FBXO41: variants seen among roughly 807,000 people sequenced by gnomAD.
FBXO41 encodes F-box only protein 41.
A neutral mutation model predicts 81.6 loss-of-function variants in FBXO41; 33 were observed. That is an observed-to-expected ratio of 0.40 (90% CI 0.31 to 0.54). The LOEUF is 0.54. FBXO41 is among the 20% of genes least tolerant of loss of function. The probability of loss-of-function intolerance (pLI) is 0.39; values close to 1 mark genes in which losing one functional copy is unlikely to be tolerated. For synonymous variants in FBXO41, 576 were observed against 552.7 expected, an observed-to-expected ratio of 1.04 and a Z score of -0.59; for missense variants, 1,107 against 1,236.0, an observed-to-expected ratio of 0.90 and a Z score of 1.56.
chr2:73,280,830 C>T (rs956233801), intron 1 of FBXO41, among the ~76,000 whole-genome samples: 1 of 152,226 alleles, frequency 6.6e-6, no homozygotes, highest in African/African-American at 2.4e-5. Context: ...GACAATACAA[C>T]TGATTCATCC....
chr2:73,264,547 A>G, intron 5 of FBXO41, 28 bp from the exon 6 acceptor site: 1 of 1,611,532 alleles, frequency 6.2e-7, no homozygotes, highest in South Asian at 1.1e-5. Flanking sequence ...TTCAAAAGTG[A>G]GCGTGGAGGG....
At chr2:73,275,389 G>C (rs1279095418) in intron 1 of FBXO41, among the ~76,000 whole-genome samples, 1 of 151,850 alleles carries the variant, frequency 6.6e-6, no homozygotes, top group Non-Finnish European at 1.5e-5. Context: ...CACCATGTTG[G>C]CCAGGCTGGT....
chr2:73,268,670 T>C, intron 2 of FBXO41, 56 bp downstream of exon 2: 1 of 1,440,656 alleles, frequency 6.9e-7, no homozygotes, highest in African/African-American at 1.4e-5. Flanking sequence ...GTGGTGGTGG[T>C]GGCACAGTGA....
In FBXO41 at chr2:73,266,391, T is replaced by A; in HGVS notation, c.1131+66A>T. ...GCATCATGGGGGAGATGTCCAGCCA[T>A]GTGAAAGGTGAGGTTGTGGGGGGCC... On this transcript the variant is annotated intron_variant, in intron 3 of 12. Coordinates refer to ENST00000520530, the MANE Select transcript of FBXO41 (RefSeq NM_001371389.2). The surrounding 1 kb of genome is among the most constrained non-coding windows in gnomAD (Gnocchi z 5.3). 1 of 1,419,576 alleles carries A rather than the reference T, an allele frequency of 7.0e-7. No individual in the cohort carries two copies. Among genetic ancestry groups the A allele is most frequent in the Non-Finnish European group, 9.3e-7 (1 of 1,074,218 alleles). 87.9% of individuals were successfully genotyped at this position (1,419,576 alleles called of 1,614,324 possible).
In FBXO41 at chr2:73,269,092, C is replaced by A; in HGVS notation, c.539G>T (p.Cys180Phe). The A allele has an allele frequency of 6.6e-7, 1 of 1,506,952 alleles. No homozygotes were observed. Among genetic ancestry groups the A allele is most frequent in the Non-Finnish European group, 8.8e-7 (1 of 1,135,476 alleles). The allele number at this position is 1,506,952 out of a possible 1,614,324, so 93.3% of individuals were successfully genotyped here. A position where few individuals can be genotyped will look rare whatever the true frequency, so the allele number is the denominator to read the frequency against. The change falls in exon 2 of 13, where the codon TGC becomes TTC. Residue 180 changes from cysteine (C) to phenylalanine (F), a missense_variant. This residue lies in a region of FBXO41 where 771 missense variants were observed against 789.2 expected (regional missense o/e 0.98). Coordinates refer to ENST00000520530, the MANE Select transcript of FBXO41 (RefSeq NM_001371389.2). This position sits in a 1 kb window ranked among gnomAD's most constrained non-coding sequence, Gnocchi z 7.0. ...TPPPGPGPGPCPGPASASPAS... is the reference protein window; with the variant it reads ...TPPPGPGPGPFPGPASASPAS... ...GGGCGAAGCGGAGGCAGGCCCGGGG[C>A]AAGGGCCGGGGCCGGGGCCAGGCGG...
Position 73,260,564 on chromosome 2 carries a change from G to A in FBXO41, c.2291-17C>T, listed in dbSNP as rs375233061. 3.6e-5 allele frequency: 57 copies of A among 1,574,778 alleles called. No individual in the cohort carries two copies. The Middle Eastern group carries it at 7.1e-4, about 20-fold the overall frequency. On this transcript the variant is annotated splice_polypyrimidine_tract_variant and intron_variant, in intron 10 of 12. Coordinates refer to ENST00000520530, the MANE Select transcript of FBXO41 (RefSeq NM_001371389.2). This position sits in a 1 kb window ranked among gnomAD's most constrained non-coding sequence, Gnocchi z 5.0. ...AGTTTCTCGCTAGGAAGAGGAAGAA[G>A]GGGGATCCTGCTGACACACTCCCCA...
Position 73,268,973 on chromosome 2 carries a change from C to G in FBXO41, c.658G>C (p.Glu220Gln), listed in dbSNP as rs1390029139. ...TGCTCCACCTCCTCGCTCAGCCGCT[C>G]CAGCCGCCGGTCCACCTCCAGCTTC... The part of the protein sequence containing the change: ...LEKLEVDRRL[E>Q]RLSEEVEQKI... Residue 220 changes from glutamate to glutamine, a missense_variant, in exon 2 of 13, where the codon GAG (glutamate) becomes CAG (glutamine). Physicochemically the swap from Glu to Gln is conservative, Grantham distance 29. Transcript: ENST00000520530. 6.5e-7 allele frequency: 1 copy of G among 1,538,340 alleles called. No homozygotes were observed. The highest frequency in any genetic ancestry group is 2.0e-5 in the Admixed American group (1 of 50,956).
At position 73,255,216 on chromosome 2, in the gene FBXO41, C is replaced by T. The variant is rs748250171; in HGVS notation, c.*3766G>A. The T allele has an allele frequency of 4.6e-5, 7 of 152,770 alleles. No individual in the cohort carries two copies. The highest frequency in any genetic ancestry group is 6.5e-5 in the Admixed American group (1 of 15,314). The allele number at this position is 152,770 out of a possible 1,614,324, so 9.5% of individuals were successfully genotyped here. A position where few individuals can be genotyped will look rare whatever the true frequency, so the allele number is the denominator to read the frequency against. ...CAGTGGCAGAGGAGGCTTGGCCTCA[C>T]GGTGGGGAGCCTGCCTGATTGTCAG... On this transcript the variant is annotated 3_prime_UTR_variant, in exon 13 of 13. Transcript: ENST00000520530.
intron 1 of FBXO41, among the ~76,000 whole-genome samples, 182 bp downstream of exon 1, chr2:73,283,978 C>A (rs1171660106): frequency 3.3e-5 from 5 of 152,112 alleles, no homozygotes; most frequent in Non-Finnish European, 1.5e-5. Context: ...ATTTTAATTT[C>A]TTAAATTAAC....
chr2:73,258,873 G>A lies in FBXO41; in HGVS notation c.*109C>T. ...CTTGACAGTCCCCCTCCAGAAGCCA[G>A]GGATAACACTCGGCCTCCAAAGGTC... On this transcript the variant is annotated 3_prime_UTR_variant, in exon 13 of 13. Coordinates refer to ENST00000520530, the MANE Select transcript of FBXO41 (RefSeq NM_001371389.2). 7 of 1,222,972 alleles carry A rather than the reference G, an allele frequency of 5.7e-6. No homozygotes were observed. In the South Asian group the frequency reaches 9.3e-5, roughly 16 times the overall value. 75.8% of individuals were successfully genotyped at this position (1,222,972 alleles called of 1,614,324 possible). A position where few individuals can be genotyped will look rare whatever the true frequency, so the allele number is the denominator to read the frequency against.
Position 73,259,325 on chromosome 2 carries a change from T to A in FBXO41, c.2450-29A>T. 1 of 1,591,490 alleles carries A rather than the reference T, an allele frequency of 6.3e-7. No individual in the cohort carries two copies. Among genetic ancestry groups the A allele is most frequent in the Non-Finnish European group, 8.6e-7 (1 of 1,159,648 alleles). On this transcript the variant is annotated intron_variant, in intron 11 of 12. Coordinates refer to ENST00000520530, the MANE Select transcript of FBXO41 (RefSeq NM_001371389.2). This position sits in a 1 kb window ranked among gnomAD's most constrained non-coding sequence, Gnocchi z 4.2. The stretch of plus-strand genomic sequence containing the variant: ...AGAAAAGGTGAGCAAAGTAGGGGCG[T>A]GTTTGGCCTGGGCTGTGGAGCTGCC...
chr2:73,265,846 C>CA (rs753488754), intron 4 of FBXO41, 47 bp downstream of exon 4: 9 of 1,548,996 alleles, frequency 5.8e-6, no homozygotes, highest in Non-Finnish European at 7.9e-6. Context: ...GCGGATCCTT[C>CA]CAGGGTGAGG....
chr2:73,265,077 C>T (rs987229985), intron 5 of FBXO41, among the ~76,000 whole-genome samples: 2 of 152,240 alleles, frequency 1.3e-5, no homozygotes, highest in African/African-American at 4.8e-5. Flanking sequence ...CCCTGCCCCC[C>T]AGATGTGGCA....
rs1224240536 is a variant in FBXO41, at chr2:73,269,014, T to C, written c.617A>G (p.Lys206Arg). Residue 206 changes from lysine (K) to arginine (R), a missense_variant, in exon 2 of 13, where the codon AAG becomes AGG. Transcript: ENST00000520530. The surrounding 1 kb of genome is among the most constrained non-coding windows in gnomAD (Gnocchi z 7.0). ...CTCCAGCTTCTCCAGCGCGCGGATC[T>C]TGAGGCGCGCCAGGCCCTCTTCGTA... ...VAYEEGLARL[K>R]IRALEKLEVD... 7 of 1,538,388 alleles carry C rather than the reference T, an allele frequency of 4.6e-6. No individual in the cohort carries two copies. The highest frequency in any genetic ancestry group is 5.2e-6 in the Non-Finnish European group (6 of 1,146,270).
Position 73,269,776 on chromosome 2 carries a change from A to G in FBXO41, c.-138-8T>C. On this transcript the variant is annotated splice_polypyrimidine_tract_variant and splice_region_variant and intron_variant, in intron 1 of 12. Transcript: ENST00000520530. The surrounding 1 kb of genome is among the most constrained non-coding windows in gnomAD (Gnocchi z 7.0). ...CGGCCTGGGGCGAGGAGGCTGGAAG[A>G]GACGCGATGAGTCTTAGGAAGAGGG... 3.1e-6 allele frequency: 1 copy of G among 323,950 alleles called. No homozygotes were observed. Among genetic ancestry groups the G allele is most frequent in the South Asian group, 1.3e-4 (1 of 7,520 alleles). 20.1% of individuals were successfully genotyped at this position (323,950 alleles called of 1,614,324 possible).
At chr2:73,270,392 TA>T (rs562450520) in intron 1 of FBXO41, among the ~76,000 whole-genome samples, 174 of 152,300 alleles carry the variant, frequency 1.1e-3, no homozygotes, top group African/African-American at 3.6e-3. Context: ...AAAATGAGTG[TA>T]AAAATCCTTG....
chr2:73,266,710 G>A lies in FBXO41; in HGVS notation c.906-28C>T, dbSNP rs1688293686. 1 of 1,522,654 alleles carries A rather than the reference G, an allele frequency of 6.6e-7. No individual in the cohort carries two copies. The highest frequency in any genetic ancestry group is 8.8e-7 in the Non-Finnish European group (1 of 1,134,308). 94.3% of individuals were successfully genotyped at this position (1,522,654 alleles called of 1,614,324 possible). A position where few individuals can be genotyped will look rare whatever the true frequency, so the allele number is the denominator to read the frequency against. ...GGGCCCAGAGCAGTCTCTTACCCCA[G>A]AGCCTCAGCCTGCCTGCCCACCCAC... On this transcript the variant is annotated intron_variant, in intron 2 of 12. Transcript: ENST00000520530. The surrounding 1 kb of genome is among the most constrained non-coding windows in gnomAD (Gnocchi z 5.3).
Position 73,257,532 on chromosome 2 carries a change from A to C in FBXO41, c.*1450T>G, listed in dbSNP as rs543352770. 1 of 152,346 alleles carries C rather than the reference A, an allele frequency of 6.6e-6. No individual in the cohort carries two copies. Among genetic ancestry groups the C allele is most frequent in the East Asian group, 1.9e-4 (1 of 5,182 alleles). The allele number at this position is 152,346 out of a possible 1,614,324, so 9.4% of individuals were successfully genotyped here. On this transcript the variant is annotated 3_prime_UTR_variant, in exon 13 of 13. Coordinates refer to ENST00000520530, the MANE Select transcript of FBXO41 (RefSeq NM_001371389.2). This position sits in a 1 kb window ranked among gnomAD's most constrained non-coding sequence, Gnocchi z 4.6. ...CATCCCCCGCCAGGACCAGCAGCCT[A>C]ATGGCTAGGGCTGGGAGCTGATCCT...
At chr2:73,282,851 A>G (rs1688886141) in intron 1 of FBXO41, among the ~76,000 whole-genome samples, 1 of 152,178 alleles carries the variant, frequency 6.6e-6, no homozygotes. Flanking sequence ...TGAGAAGGTA[A>G]TAGAGTTTGT....
Sources: allele counts gnomAD v4.1 joint callset (sites outside exome capture counted in the v4.1 genomes callset), GRCh38; gene constraint gnomAD v4.1.1; regional missense constraint gnomAD v4.1.1; non-coding constraint Gnocchi (gnomAD v3.1); transcripts MANE v1.5; gene names NCBI Gene and HGNC (gene_info 2026-07-23, HGNC 2026-07-21).